The following C2CD3 variants were observed in gnomAD, a reference collection of about 807,000 sequenced individuals.
C2CD3 encodes the protein C2 domain-containing protein 3.
C2CD3 carries 148 observed loss-of-function variants against 234.0 expected under a neutral mutation model. The ratio of observed to expected loss-of-function variants is 0.63; its 90% confidence interval spans 0.55 to 0.72. The LOEUF is 0.72. Ranked by LOEUF, C2CD3 falls within the 30% of genes least tolerant of loss-of-function variation. The pLI, the probability that C2CD3 is intolerant of heterozygous loss-of-function variation, is 0.00. For missense variants in C2CD3, 2,577 were observed against 2,811.5 expected, an observed-to-expected ratio of 0.92 and a Z score of 1.89; for synonymous variants, 1,000 against 1,035.4, an observed-to-expected ratio of 0.97 and a Z score of 0.66.
intron 32 of C2CD3, chr11:74,016,519 A>C (rs563050091): frequency 6.6e-6 from 1 of 152,516 alleles, no homozygotes; most frequent in Admixed American, 6.5e-5. Flanking sequence ...GCCCAGGCCC[A>C]GGAATCAGAA....
chr11:74,077,868 C>T lies in C2CD3; in HGVS notation c.4603+247G>A, dbSNP rs553784842. 1.3e-4 allele frequency among the ~76,000 whole-genome samples: 15 copies of T among 115,602 alleles called. No individual in the cohort carries two copies. In the East Asian group the frequency reaches 4.5e-3, roughly 35 times the overall value. The allele number at this position is 115,602 out of a possible 152,430, so 75.8% of individuals were successfully genotyped here. On this transcript the variant is annotated intron_variant, in intron 23 of 32. Coordinates refer to ENST00000334126, the MANE Select transcript of C2CD3 (RefSeq NM_001286577.2). ...ATATTATCTCTTTAGTTACAAGAAG[C>T]ACTACTAAATTATTATTAATCTTTC...
intron 4 of C2CD3, 26 bp downstream of exon 4, chr11:74,139,579 T>C (rs767376594): frequency 9.0e-6 from 13 of 1,437,388 alleles, no homozygotes. Flanking sequence ...ACTGACAGAT[T>C]GACTGGTATT....
chr11:74,032,175 C>T (rs895465780), intron 31 of C2CD3, among the ~76,000 whole-genome samples: 17 of 152,176 alleles, frequency 1.1e-4, no homozygotes, highest in African/African-American at 4.1e-4. Context: ...TTTCCGCCTC[C>T]ATTTTACAGG....
chr11:74,163,426 T>A lies in C2CD3; in HGVS notation c.326-1870A>T, dbSNP rs1053250928. On this transcript the variant is annotated intron_variant, in intron 2 of 32. Transcript: ENST00000334126. ...TTGATATGGTTTGGCTGTGTCCCCA[T>A]CCAAATCTCATCTTGAATTGTAATT... Among the ~76,000 whole-genome samples the A allele has an allele frequency of 4.6e-5, 7 of 152,194 alleles. No individual in the cohort carries two copies. In the South Asian group the frequency reaches 1.4e-3, roughly 32 times the overall value.
intron 32 of C2CD3, among the ~76,000 whole-genome samples, chr11:74,026,677 G>A (rs1205243039): frequency 1.3e-5 from 2 of 152,130 alleles, no homozygotes. Context: ...TGAGTCAGAA[G>A]TTTAGATTCA....
At chr11:74,036,460 C>A (rs1235748127) in intron 30 of C2CD3, 1 of 455,974 alleles carries the variant, frequency 2.2e-6, no homozygotes, top group East Asian at 6.9e-5. Flanking sequence ...TTATCTGAGG[C>A]CATGGATACC....
intron 24 of C2CD3, among the ~76,000 whole-genome samples, chr11:74,071,749 A>G (rs1365165297): frequency 6.6e-6 from 1 of 152,152 alleles, no homozygotes; most frequent in Non-Finnish European, 1.5e-5. Flanking sequence ...TCCTATGAGC[A>G]TTTCCTTTGA....
Position 74,117,242 on chromosome 11 carries a change from G to A in C2CD3, c.1520+986C>T, listed in dbSNP as rs190550556. Among the ~76,000 whole-genome samples, 945 of 114,780 alleles carry A rather than the reference G, an allele frequency of 8.2e-3. 10 individuals carry two copies. The highest frequency in any genetic ancestry group is 0.013 in the Non-Finnish European group (738 of 55,636). The allele number at this position is 114,780 out of a possible 152,430, so 75.3% of individuals were successfully genotyped here. A position where few individuals can be genotyped will look rare whatever the true frequency, so the allele number is the denominator to read the frequency against. ...TATATATATGAATATATATATATGA[G>A]TGAGCTGTGATTGTGCCACTGCACT... On this transcript the variant is annotated intron_variant, in intron 9 of 32. Transcript: ENST00000334126.
chr11:74,160,048 G>A (rs1246644091), intron 3 of C2CD3, among the ~76,000 whole-genome samples: 1 of 151,884 alleles, frequency 6.6e-6, no homozygotes, highest in Non-Finnish European at 1.5e-5. Flanking sequence ...TGCCTTCATT[G>A]TGTTACAACA....
chr11:74,170,127 A>G (rs1590996680), intron 1 of C2CD3, among the ~76,000 whole-genome samples: 1 of 151,402 alleles, frequency 6.6e-6, no homozygotes, highest in Non-Finnish European at 1.5e-5. Context: ...TCTGCTGCAC[A>G]CTCTTTCATG....
Position 74,074,416 on chromosome 11 carries a change from T to C in C2CD3, c.4788A>G (p.Pro1596=). Residue 1596 remains proline, a synonymous_variant, in exon 24 of 33, where the codon CCA becomes CCG. Coordinates refer to ENST00000334126, the MANE Select transcript of C2CD3 (RefSeq NM_001286577.2). ...TCTGGTGGCAGGAGATGACTTCTGG[T>C]GGAGAGAGCTGGACCTCATCATTCC... ...PRRNDEVQLS[P]PEVISCHQKS... 2 of 1,614,114 alleles carry C rather than the reference T, an allele frequency of 1.2e-6. No homozygotes were observed. The highest frequency in any genetic ancestry group is 1.7e-6 in the Non-Finnish European group (2 of 1,180,008).
chr11:74,098,076 G>C lies in C2CD3; in HGVS notation c.2912C>G (p.Thr971Arg). ...ALQRLKNEEGTLPPFSPRPAH... is the reference protein window; with the variant it reads ...ALQRLKNEEGRLPPFSPRPAH... ...TGGCCTAGGGCTGAAGGGAGGGAGT[G>C]TTCCTTCTTCATTCTTTAATCTTTG... Residue 971 changes from threonine (T) to arginine (R), a missense_variant, in exon 16 of 33, where the codon ACA becomes AGA. By Grantham distance (71) the Thr-to-Arg change is moderately conservative. Transcript: ENST00000334126. 3 of 1,613,066 alleles carry C rather than the reference G, an allele frequency of 1.9e-6. No individual in the cohort carries two copies. The highest frequency in any genetic ancestry group is 2.5e-6 in the Non-Finnish European group (3 of 1,179,010).
At chr11:74,093,690 A>C in intron 18 of C2CD3, 126 bp downstream of exon 18, 1 of 638,518 alleles carries the variant, frequency 1.6e-6, no homozygotes, top group Non-Finnish European at 2.6e-6. Flanking sequence ...TCCAAATAAC[A>C]TAAAACAGGG....
In C2CD3 at chr11:74,114,397, T is replaced by C. The variant is rs768451056; in HGVS notation, c.1717A>G (p.Thr573Ala). 1 of 1,613,510 alleles carries C rather than the reference T, an allele frequency of 6.2e-7. No individual in the cohort carries two copies. The highest frequency in any genetic ancestry group is 8.5e-7 in the Non-Finnish European group (1 of 1,179,556). ...TTAGAGACATACCGCTTTTTTGCTG[T>C]AGTCACCTTAGGTGGTGGACCAGCA... is the stretch of plus-strand genomic sequence containing the variant. ...SYAGPPPKVTTAKKRTFFVEY... is the reference protein window; with the variant it reads ...SYAGPPPKVTAAKKRTFFVEY... The change falls in exon 10 of 33, where the codon ACA (threonine) becomes GCA (alanine). Residue 573 changes from threonine to alanine, a missense_variant. Transcript: ENST00000334126.
intron 9 of C2CD3, 27 bp downstream of exon 9, chr11:74,118,201 T>G (rs202046947): frequency 3.2e-5 from 51 of 1,596,238 alleles, no homozygotes; most frequent in Non-Finnish European, 4.4e-5. Flanking sequence ...TGTGTTTACC[T>G]TTAAATAAAC....
chr11:74,034,841 C>A (rs1005837512), intron 30 of C2CD3, among the ~76,000 whole-genome samples: 1 of 152,218 alleles, frequency 6.6e-6, no homozygotes, highest in Non-Finnish European at 1.5e-5. Flanking sequence ...ACTTTGTGAT[C>A]ATAAGCAAAC....
intron 9 of C2CD3, among the ~76,000 whole-genome samples, chr11:74,116,983 TACACATATAC>T: frequency 2.6e-5 from 3 of 115,138 alleles, no homozygotes; most frequent in African/African-American, 9.4e-5. Context: ...CACGTATATA[TACACATATAC>T]GTGTATATGT....
At chr11:74,067,359 C>A (rs1025314406) in intron 24 of C2CD3, among the ~76,000 whole-genome samples, 1 of 151,502 alleles carries the variant, frequency 6.6e-6, no homozygotes, top group Non-Finnish European at 1.5e-5. Context: ...AAAGGCTGAA[C>A]CTGGAAAAAG....
chr11:74,154,459 AAATGAATG>A (rs562390446), intron 3 of C2CD3, among the ~76,000 whole-genome samples: 1 of 152,186 alleles, frequency 6.6e-6, no homozygotes, highest in African/African-American at 2.4e-5. Flanking sequence ...CTGGGAATAT[AAATGAATG>A]AATGAATGAA....
Sources: allele counts gnomAD v4.1 joint callset (sites outside exome capture counted in the v4.1 genomes callset), GRCh38; gene constraint gnomAD v4.1.1; transcripts MANE v1.5; gene names NCBI Gene and HGNC (gene_info 2026-07-23, HGNC 2026-07-21).